Variants in NIP7 observed in about 807,000 individuals in gnomAD.
NIP7 encodes the protein 60S ribosome subunit biogenesis protein NIP7 homolog.
NIP7 carries 12 observed loss-of-function variants against 20.1 expected under a neutral mutation model. The observed-to-expected ratio is 0.60, with a 90% CI of 0.38 to 0.97. The LOEUF (loss-of-function observed/expected upper bound fraction) is 0.97. Ranked by LOEUF, NIP7 falls within the 50% of genes least tolerant of loss-of-function variation. The pLI is 0.00. For missense variants in NIP7, 226 were observed against 226.6 expected (o/e 1.00, Z 0.02); for synonymous variants, 103 against 87.2 (o/e 1.18, Z -1.01).
At position 69,340,180 on chromosome 16, in the gene NIP7, C is replaced by A; in HGVS notation, c.144-14C>A. On this transcript the variant is annotated splice_polypyrimidine_tract_variant and intron_variant, in intron 2 of 4. Transcript: ENST00000254940. ...TCCTTCATCCGCAACCTTGCTCCCC[C>A]TTTACCCTTTTAGTGAGAAGATTAT... The A allele has an allele frequency of 6.2e-7, 1 of 1,613,484 alleles. No individual in the cohort carries two copies. The highest frequency in any genetic ancestry group is 8.5e-7 in the Non-Finnish European group (1 of 1,180,010).
At chr16:69,341,455 G>A (rs964584036) in intron 4 of NIP7, 78 bp from the exon 5 acceptor site, 23 of 1,584,740 alleles carry the variant, frequency 1.5e-5, no homozygotes, top group Admixed American at 1.2e-4. Flanking sequence ...TATTTTTTCC[G>A]TCTTTGTTAT....
At chr16:69,341,114 C>T in intron 3 of NIP7, 66 bp from the exon 4 acceptor site, 1 of 1,338,464 alleles carries the variant, frequency 7.5e-7, no homozygotes, top group Middle Eastern at 2.3e-4. Flanking sequence ...GATCCAGCAG[C>T]TAGCTTGTCT....
Position 69,341,724 on chromosome 16 carries a change from C to T in NIP7, c.*72C>T, listed in dbSNP as rs956603889. On this transcript the variant is annotated 3_prime_UTR_variant, in exon 5 of 5. Transcript: ENST00000254940. ...TTGTTTCCTGTGTTTGTGTGGACTC[C>T]ACCATCATGTTGAATTTTGTCAACA... The T allele has an allele frequency of 1.3e-6, 2 of 1,579,196 alleles. No individual in the cohort carries two copies. Among genetic ancestry groups the T allele is most frequent in the South Asian group, 1.1e-5 (1 of 87,852 alleles).
At chr16:69,341,446 A>C (rs2012549059) in intron 4 of NIP7, 87 bp from the exon 5 acceptor site, 2 of 1,585,338 alleles carry the variant, frequency 1.3e-6, no homozygotes, top group Admixed American at 3.5e-5. Context: ...CCAGAACTGT[A>C]TTTTTTCCGT....
Position 69,339,820 on chromosome 16 carries a change from AG to A in NIP7, c.-5del, listed in dbSNP as rs763876073. The A allele has an allele frequency of 1.2e-6, 2 of 1,612,554 alleles. No individual in the cohort carries two copies. The highest frequency in any genetic ancestry group is 2.2e-5 in the East Asian group (1 of 44,866). On this transcript the variant is annotated 5_prime_UTR_variant, in exon 1 of 5. Transcript: ENST00000254940. ...GCACGAGGATCCGGTGTTCCAACCC[AG>A]GGGGAAAAATGCGGCCTTTGACTGA...
intron 3 of NIP7, 154 bp downstream of exon 3, chr16:69,340,486 C>T (rs2012495924): frequency 5.3e-6 from 5 of 950,576 alleles, no homozygotes; most frequent in East Asian, 2.4e-5. Context: ...TGAGCATGGT[C>T]AGGGCTATGG....
At position 69,341,940 on chromosome 16, in the gene NIP7, G is replaced by A. The variant is rs1567435440; in HGVS notation, c.*288G>A. On this transcript the variant is annotated 3_prime_UTR_variant, in exon 5 of 5. Transcript: ENST00000254940. ...AATAGGTTCAAAATCATTGGAACCAGGAACAAGAATAGCTTATTGTTATCT... is the reference window on the plus strand; with the variant it reads ...AATAGGTTCAAAATCATTGGAACCAAGAACAAGAATAGCTTATTGTTATCT... 4.0e-6 allele frequency: 1 copy of A among 252,384 alleles called. No individual in the cohort carries two copies. Among genetic ancestry groups the A allele is most frequent in the Non-Finnish European group, 7.6e-6 (1 of 131,208 alleles). The allele number at this position is 252,384 out of a possible 1,614,324, so 15.6% of individuals were successfully genotyped here.
rs16958762 is a variant in NIP7, at chr16:69,341,043, A to G, written c.283-137A>G. The G allele has an allele frequency of 5.8e-3, 4,259 of 737,032 alleles. 121 individuals carry two copies. The African/African-American group carries it at 0.064, about 11-fold the overall frequency. The allele number at this position is 737,032 out of a possible 1,614,324, so 45.7% of individuals were successfully genotyped here. A position where few individuals can be genotyped will look rare whatever the true frequency, so the allele number is the denominator to read the frequency against. On this transcript the variant is annotated intron_variant, in intron 3 of 4. Coordinates refer to ENST00000254940, the MANE Select transcript of NIP7 (RefSeq NM_016101.5). ...CTGCATTTCTGTTCAGGAGATAGAC[A>G]GTTTGAGGAAAACATGAGTCTCTCT...
intron 3 of NIP7, chr16:69,340,678 T>C (rs2012504070): frequency 3.7e-6 from 1 of 267,446 alleles, no homozygotes; most frequent in Admixed American, 4.8e-5. Context: ...AAATAACTTT[T>C]TCTATTTTTT....
At position 69,340,352 on chromosome 16, in the gene NIP7, A is replaced by C; in HGVS notation, c.282+20A>C. On this transcript the variant is annotated intron_variant, in intron 3 of 4. Transcript: ENST00000254940. ...GCCAAGGTTTGTGGGGCGGTTTCCA[A>C]TTCTGCCACGGGCGATGAAGTCAAG... 6.2e-7 allele frequency: 1 copy of C among 1,605,870 alleles called. No individual in the cohort carries two copies. The highest frequency in any genetic ancestry group is 8.5e-7 in the Non-Finnish European group (1 of 1,179,128).
At position 69,340,294 on chromosome 16, in the gene NIP7, C is replaced by T; in HGVS notation, c.244C>T (p.His82Tyr). Residue 82 changes from histidine (H) to tyrosine (Y), a missense_variant, in exon 3 of 5, where the codon CAC becomes TAC. His to Tyr is a moderately conservative substitution (Grantham distance 83). Coordinates refer to ENST00000254940, the MANE Select transcript of NIP7 (RefSeq NM_016101.5). ...KFTKTHKFRLHVTALDYLAPY... is the reference protein window; with the variant it reads ...KFTKTHKFRLYVTALDYLAPY... ...CACTAAAACCCACAAGTTTCGGTTG[C>T]ACGTCACAGCTCTGGATTACCTTGC... 1 of 1,613,968 alleles carries T rather than the reference C, an allele frequency of 6.2e-7. No homozygotes were observed. The highest frequency in any genetic ancestry group is 8.5e-7 in the Non-Finnish European group (1 of 1,180,036).
At position 69,339,886 on chromosome 16, in the gene NIP7, G is replaced by A. The variant is rs1350645613; in HGVS notation, c.56+1G>A. On this transcript the variant is annotated splice_donor_variant, in intron 1 of 4. Transcript: ENST00000254940. LOFTEE classifies it high-confidence loss of function. ...TCATGTTTGAGAAGATAGCGAAATA[G>A]TAGGAGCGCGCGGGGCGGACGCGGG... 6.2e-7 allele frequency: 1 copy of A among 1,613,534 alleles called. No individual in the cohort carries two copies. The highest frequency in any genetic ancestry group is 8.5e-7 in the Non-Finnish European group (1 of 1,180,004).
At position 69,341,286 on chromosome 16, in the gene NIP7, G is replaced by A. The variant is rs774246394; in HGVS notation, c.389G>A (p.Gly130Asp). 6.2e-7 allele frequency: 1 copy of A among 1,614,170 alleles called. No individual in the cohort carries two copies. Among genetic ancestry groups the A allele is most frequent in the Non-Finnish European group, 8.5e-7 (1 of 1,180,032 alleles). ...RITENTSQYQGVVVYSMADIP... is the reference protein window; with the variant it reads ...RITENTSQYQDVVVYSMADIP... ...ACTGAAAATACTTCTCAGTACCAGGGCGTGGTGGTGTACTCCATGGCAGAC... is the reference window on the plus strand; with the variant it reads ...ACTGAAAATACTTCTCAGTACCAGGACGTGGTGGTGTACTCCATGGCAGAC... Residue 130 changes from glycine to aspartate, a missense_variant, in exon 4 of 5, where the codon GGC becomes GAC. Transcript: ENST00000254940.
chr16:69,340,077 G>C lies in NIP7; in HGVS notation c.128G>C (p.Arg43Pro). The change falls in exon 2 of 5, where the codon CGG (arginine) becomes CCG (proline). Residue 43 changes from arginine to proline, a missense_variant. By Grantham distance (103) the Arg-to-Pro change is moderately radical. Transcript: ENST00000254940. ...GTYCFRLHND[R>P]VYYVSEKIMK... The stretch of plus-strand genomic sequence containing the variant: ...TACTGTTTCCGTCTGCACAACGACC[G>C]GGTGTACTATGTGAGGTGAGGCGGG... 2 of 1,614,144 alleles carry C rather than the reference G, an allele frequency of 1.2e-6. No homozygotes were observed. The highest frequency in any genetic ancestry group is 1.7e-6 in the Non-Finnish European group (2 of 1,180,024).
In NIP7 at chr16:69,342,853, T is replaced by C. The variant is rs2012598725; in HGVS notation, c.*1201T>C. ...ATTTTTTCTATGAACCTTTACTTAC[T>C]TGACTGGATTGGACTAAAAGCACTG... is the stretch of plus-strand genomic sequence containing the variant. On this transcript the variant is annotated 3_prime_UTR_variant, in exon 5 of 5. Transcript: ENST00000254940. 6.6e-6 allele frequency: 1 copy of C among 152,170 alleles called. No homozygotes were observed. The allele number at this position is 152,170 out of a possible 1,614,324, so 9.4% of individuals were successfully genotyped here.
At position 69,341,659 on chromosome 16, in the gene NIP7, G is replaced by C; in HGVS notation, c.*7G>C. 6.2e-7 allele frequency: 1 copy of C among 1,614,116 alleles called. No homozygotes were observed. On this transcript the variant is annotated 3_prime_UTR_variant, in exon 5 of 5. Transcript: ENST00000254940. Reference sequence around the variant, plus strand: ...TGAAGAGACGTTGACTTAAAACGAAGCCATTCCAAGGACAGACGGCTGTAT... The same window carrying C: ...TGAAGAGACGTTGACTTAAAACGAACCCATTCCAAGGACAGACGGCTGTAT...
At chr16:69,340,858 G>A in intron 3 of NIP7, 1 of 251,926 alleles carries the variant, frequency 4.0e-6, no homozygotes, top group Non-Finnish European at 7.8e-6. Flanking sequence ...ACAGGCATGT[G>A]CCACCACACC....
intron 3 of NIP7, 157 bp downstream of exon 3, chr16:69,340,489 G>T (rs774763973): frequency 1.1e-6 from 1 of 932,262 alleles, no homozygotes; most frequent in African/African-American, 1.6e-5. Flanking sequence ...GCATGGTCAG[G>T]GCTATGGGAT....
intron 3 of NIP7, 94 bp downstream of exon 3, chr16:69,340,426 T>C (rs2012492532): frequency 6.7e-7 from 1 of 1,493,832 alleles, no homozygotes; most frequent in Non-Finnish European, 9.1e-7. Flanking sequence ...TCCCTGACAG[T>C]GTGCTTGGAG....
Sources: gnomAD v4.1 joint callset for allele counts on GRCh38, gnomAD v4.1.1 for gene constraint, MANE v1.5 for transcripts, NCBI Gene and HGNC (gene_info 2026-07-23, HGNC 2026-07-21) for gene names.